Variants in ZFHX3 observed in about 807,000 individuals in gnomAD.
ZFHX3 encodes zinc finger homeobox 3.
ZFHX3 carries 42 observed loss-of-function variants against 279.1 expected under a neutral mutation model. The ratio of observed to expected loss-of-function variants is 0.15; its 90% CI spans 0.12 to 0.19. The LOEUF (loss-of-function observed/expected upper bound fraction) is 0.19, where lower values mean the gene tolerates loss of function less well. Ranked by LOEUF, ZFHX3 falls within the 10% of genes least tolerant of loss-of-function variation. ZFHX3 has a pLI of 1.00. For synonymous variants in ZFHX3, 2,293 were observed against 1,957.8 expected (o/e 1.17, Z -4.52); for missense variants, 4,981 against 4,754.0 (o/e 1.05, Z -1.40).
chr16:72,937,627 G>A (rs938183113), intron 3 of ZFHX3, among the ~76,000 whole-genome samples: 18 of 152,014 alleles, frequency 1.2e-4, no homozygotes, highest in African/African-American at 4.4e-4. Flanking sequence ...CATGAGTACA[G>A]GCTGCCAGCT....
chr16:72,938,092 A>T (rs1354702036), intron 3 of ZFHX3, among the ~76,000 whole-genome samples: 1 of 152,260 alleles, frequency 6.6e-6, no homozygotes, highest in Non-Finnish European at 1.5e-5. Flanking sequence ...CACATGACGC[A>T]GAGACCAGCG....
At chr16:73,094,203 G>A (rs1160917941) in intron 7 of ZFHX3, among the ~76,000 whole-genome samples, 1 of 152,096 alleles carries the variant, frequency 6.6e-6, no homozygotes, top group Non-Finnish European at 1.5e-5. Flanking sequence ...GGAAACACAG[G>A]CATAGTTTAG....
Position 72,787,570 on chromosome 16 carries a change from G to A in ZFHX3, c.10706C>T (p.Pro3569Leu). 6.2e-7 allele frequency: 1 copy of A among 1,614,000 alleles called. No homozygotes were observed. Among genetic ancestry groups the A allele is most frequent in the Non-Finnish European group, 8.5e-7 (1 of 1,179,960 alleles). ...GCAGGCAGAGTGAGGTAATAAACTA[G>A]GGTGCTCTTTGGCGTTTCTTGCTGC... is the stretch of plus-strand genomic sequence containing the variant. ...TRAARNAKEH[P>L]SLLPHSACFP... Residue 3569 changes from proline (P) to leucine (L), a missense_variant, in exon 10 of 10, where the codon CCT becomes CTT. By Grantham distance (98) the Pro-to-Leu change is moderately conservative (BLOSUM62 -3). Around this residue, in one of 7 missense-constraint regions of ZFHX3, gnomAD observed 1,034 missense variants for 786.0 expected, o/e 1.32. Coordinates refer to ENST00000268489, the MANE Select transcript of ZFHX3 (RefSeq NM_006885.4).
chr16:73,443,245 T>A (rs1359754733), intron 3 of ZFHX3, among the ~76,000 whole-genome samples: 1 of 152,130 alleles, frequency 6.6e-6, no homozygotes, highest in Admixed American at 6.5e-5. Context: ...AGCCCAAATG[T>A]TTATGACATA....
At chr16:73,179,089 C>T (rs556772040) in intron 5 of ZFHX3, among the ~76,000 whole-genome samples, 1 of 152,318 alleles carries the variant, frequency 6.6e-6, no homozygotes, top group African/African-American at 2.4e-5. Context: ...ATCTACTGAC[C>T]TTGTGGATAC....
chr16:73,755,580 T>C (rs968942830), intron 1 of ZFHX3, among the ~76,000 whole-genome samples: 5 of 152,184 alleles, frequency 3.3e-5, no homozygotes, highest in African/African-American at 1.2e-4. Flanking sequence ...AGTATCCTTA[T>C]AACAAGATTC....
chr16:73,236,668 A>T (rs999208474), intron 5 of ZFHX3, among the ~76,000 whole-genome samples: 8 of 152,190 alleles, frequency 5.3e-5, no homozygotes, highest in African/African-American at 1.7e-4. Context: ...GGAAGCTTAA[A>T]TATCTAAAAA....
rs145895130 is a variant in ZFHX3, at chr16:73,219,482, G to A, written c.-1104+37565C>T. Among the ~76,000 whole-genome samples the A allele has an allele frequency of 9.8e-5, 15 of 152,348 alleles. No individual in the cohort carries two copies. The East Asian group carries it at 2.9e-3, about 29-fold the overall frequency. On this transcript the variant is annotated intron_variant, in intron 5 of 17. Coordinates refer to the ZFHX3 transcript ENST00000641206. ...AATGGTGCAGGCAGTATCTGAACAT[G>A]TCATACTGTAGAGATGCCCTACAAC...
intron 2 of ZFHX3, among the ~76,000 whole-genome samples, chr16:73,657,097 C>G (rs2052729182): frequency 6.6e-6 from 1 of 152,166 alleles, no homozygotes; most frequent in African/African-American, 2.4e-5. Context: ...ACAAAAATGG[C>G]TCCTAATTAT....
At position 73,194,190 on chromosome 16, in the gene ZFHX3, G is replaced by T. The variant is rs114623739; in HGVS notation, c.-1103-50359C>A. Among the ~76,000 whole-genome samples the T allele has an allele frequency of 6.9e-3, 1,047 of 152,034 alleles. 15 individuals are homozygous for T. Among genetic ancestry groups the T allele is most frequent in the African/African-American group, 0.024 (996 of 41,474 alleles). On this transcript the variant is annotated intron_variant, in intron 5 of 17. Transcript: ENST00000641206. ...AACTTCTTTTTTATTTTATTTTATT[G>T]CCTTCCTTTATTTTGTTTATTTATT...
chr16:73,823,539 T>A (rs762313755), intron 1 of ZFHX3, among the ~76,000 whole-genome samples: 3 of 152,090 alleles, frequency 2.0e-5, no homozygotes, highest in East Asian at 1.9e-4. Flanking sequence ...AGAATAGGGG[T>A]TGACCAACTA....
At chr16:73,007,006 T>C (rs976567659) in intron 1 of ZFHX3, among the ~76,000 whole-genome samples, 10 of 152,254 alleles carry the variant, frequency 6.6e-5, no homozygotes, top group Non-Finnish European at 1.3e-4. Flanking sequence ...CCAAATATTT[T>C]TGATTTGCAG....
At chr16:72,900,572 T>C (rs2144127354) in intron 3 of ZFHX3, among the ~76,000 whole-genome samples, 1 of 152,350 alleles carries the variant, frequency 6.6e-6, no homozygotes, top group Non-Finnish European at 1.5e-5. Flanking sequence ...AGTCCAGATG[T>C]TGCTTCGTCG....
At position 73,084,407 on chromosome 16, in the gene ZFHX3, A is replaced by C. The variant is rs939067666; in HGVS notation, c.-533+8828T>G. On this transcript the variant is annotated intron_variant, in intron 8 of 17. Transcript: ENST00000641206. ...CAGTGAAGTTGCAGGATACACAATC[A>C]ACATTAAAAAATTAGTAGCATTTAT... Among the ~76,000 whole-genome samples, 15 of 152,356 alleles carry C rather than the reference A, an allele frequency of 9.8e-5. No homozygotes were observed. In the South Asian group the frequency reaches 2.1e-3, roughly 21 times the overall value.
chr16:73,777,690 C>T (rs1050980766), intron 1 of ZFHX3, among the ~76,000 whole-genome samples: 5 of 151,978 alleles, frequency 3.3e-5, no homozygotes, highest in Non-Finnish European at 7.4e-5. Flanking sequence ...TTACTCTGTG[C>T]CAGTTATGGT....
chr16:73,781,151 A>T (rs1051642055), intron 1 of ZFHX3, among the ~76,000 whole-genome samples: 3 of 152,182 alleles, frequency 2.0e-5, no homozygotes, highest in Non-Finnish European at 4.4e-5. Context: ...ACTTTGTTTA[A>T]CACTCCCTGC....
intron 2 of ZFHX3, among the ~76,000 whole-genome samples, chr16:73,632,277 A>G (rs1159647499): frequency 6.6e-6 from 1 of 152,224 alleles, no homozygotes; most frequent in Non-Finnish European, 1.5e-5. Context: ...TAATTGGTAA[A>G]GATGAATATA....
chr16:73,644,270 T>C (rs1329077095), intron 2 of ZFHX3, among the ~76,000 whole-genome samples: 3 of 152,168 alleles, frequency 2.0e-5, no homozygotes, highest in African/African-American at 7.2e-5. Flanking sequence ...CATAGTTCCC[T>C]GCACATCTCC....
rs2143858783 is a variant in ZFHX3, at chr16:73,599,748, A to C, written c.-1547+80432T>G. On this transcript the variant is annotated intron_variant, in intron 2 of 17. Coordinates refer to the ZFHX3 transcript ENST00000641206. Reference sequence around the variant, plus strand: ...AAATGTCATTAAAAAAAAAAAAAACAACAACCTAAACCTTTAACAGCCCAC... The same window carrying C: ...AAATGTCATTAAAAAAAAAAAAAACCACAACCTAAACCTTTAACAGCCCAC... 2.1e-5 allele frequency among the ~76,000 whole-genome samples: 3 copies of C among 139,762 alleles called. No homozygotes were observed. The South Asian group carries it at 7.1e-4, about 33-fold the overall frequency. The allele number at this position is 139,762 out of a possible 152,430, so 91.7% of individuals were successfully genotyped here.
Sources: allele counts gnomAD v4.1 joint callset (sites outside exome capture counted in the v4.1 genomes callset), GRCh38; gene constraint gnomAD v4.1.1; regional missense constraint gnomAD v4.1.1; transcripts MANE v1.5; gene names NCBI Gene and HGNC (gene_info 2026-07-23, HGNC 2026-07-21).